Variants in LAMC1 observed in about 807,000 individuals in gnomAD.
LAMC1 encodes laminin subunit gamma 1, also known as laminin subunit gamma-1.
Under a neutral mutation model 173.6 loss-of-function variants are expected in LAMC1, and 38 were observed. The observed-to-expected ratio is 0.22, with a 90% CI of 0.17 to 0.29. The LOEUF (loss-of-function observed/expected upper bound fraction) is 0.29, where lower values mean the gene tolerates loss of function less well. Among genes scored for constraint, LAMC1 ranks in the 10% least tolerant of loss-of-function variants. The pLI is 1.00. For missense variants in LAMC1, 1,824 were observed against 2,051.8 expected, an observed-to-expected ratio of 0.89 and a Z score of 2.14; for synonymous variants, 746 against 749.1, an observed-to-expected ratio of 1.00 and a Z score of 0.07.
chr1:183,106,585 G>A (rs959469012), intron 2 of LAMC1, among the ~76,000 whole-genome samples: 4 of 152,174 alleles, frequency 2.6e-5, no homozygotes, highest in Admixed American at 2.6e-4. Flanking sequence ...GCACTTGCTT[G>A]TTACGTCTCC....
At chr1:183,117,807 G>A in intron 10 of LAMC1, 84 bp downstream of exon 10, 1 of 1,214,814 alleles carries the variant, frequency 8.2e-7, no homozygotes, top group East Asian at 2.3e-5. Context: ...GCCTCTAGAT[G>A]TATTTTAAAG....
At chr1:183,080,107 G>T (rs780367102) in intron 1 of LAMC1, among the ~76,000 whole-genome samples, 1 of 152,134 alleles carries the variant, frequency 6.6e-6, no homozygotes, top group African/African-American at 2.4e-5. Flanking sequence ...AGCCGGGTGT[G>T]GTGGTGCACA....
At chr1:183,053,128 A>G (rs965978504) in intron 1 of LAMC1, among the ~76,000 whole-genome samples, 2 of 152,216 alleles carry the variant, frequency 1.3e-5, no homozygotes, top group Non-Finnish European at 2.9e-5. Flanking sequence ...AAAATGCTAT[A>G]AATCAAATCC....
chr1:183,094,137 C>T (rs1655635553), intron 1 of LAMC1, among the ~76,000 whole-genome samples: 1 of 152,202 alleles, frequency 6.6e-6, no homozygotes, highest in Non-Finnish European at 1.5e-5. Flanking sequence ...CCACCTTACT[C>T]ACTGCTGCTT....
intron 1 of LAMC1, among the ~76,000 whole-genome samples, chr1:183,102,604 C>T (rs1320484553): frequency 6.6e-6 from 1 of 152,194 alleles, no homozygotes; most frequent in African/African-American, 2.4e-5. Context: ...ACTGTCTGCC[C>T]CAGTGACTGC....
intron 1 of LAMC1, among the ~76,000 whole-genome samples, chr1:183,054,447 C>G (rs1195352942): frequency 6.6e-6 from 1 of 152,166 alleles, no homozygotes; most frequent in Non-Finnish European, 1.5e-5. Flanking sequence ...CTTCTGGGGA[C>G]TGGTATCACT....
chr1:183,073,008 A>G (rs1655049507), intron 1 of LAMC1, among the ~76,000 whole-genome samples: 2 of 152,248 alleles, frequency 1.3e-5, no homozygotes, highest in African/African-American at 2.4e-5. Context: ...TAATAATAAT[A>G]GAAATAAAGT....
At chr1:183,131,239 T>A in intron 19 of LAMC1, 60 bp from the exon 20 acceptor site, 1 of 1,375,184 alleles carries the variant, frequency 7.3e-7, no homozygotes, top group Non-Finnish European at 1.0e-6. Flanking sequence ...TTTTGACTCT[T>A]GCTTTATTAA....
chr1:183,125,224 A>G, intron 14 of LAMC1, 173 bp from the exon 15 acceptor site: 1 of 657,778 alleles, frequency 1.5e-6, no homozygotes. Flanking sequence ...TCTCACGTTT[A>G]TAGCACATCT....
chr1:183,127,524 A>G, intron 17 of LAMC1, 120 bp downstream of exon 17: 1 of 826,438 alleles, frequency 1.2e-6, no homozygotes, highest in Non-Finnish European at 1.9e-6. Flanking sequence ...GTTCTTAAAG[A>G]CTTATGTTCC....
chr1:183,131,344 C>G lies in LAMC1; in HGVS notation c.3532C>G (p.Leu1178Val). ...ESTGDPNNMT[L>V]LAEEARKLAE... ...TACAGGGGACCCAAACAACATGACTCTTTTGGCAGAAGAGGCTCGAAAGCT... is the reference window on the plus strand; with the variant it reads ...TACAGGGGACCCAAACAACATGACTGTTTTGGCAGAAGAGGCTCGAAAGCT... The change falls in exon 20 of 28, where the codon CTT becomes GTT. Residue 1178 changes from leucine to valine, a missense_variant. Leu to Val is a conservative substitution (Grantham distance 32, BLOSUM62 1). Coordinates refer to ENST00000258341, the MANE Select transcript of LAMC1 (RefSeq NM_002293.4). 1.2e-6 allele frequency: 2 copies of G among 1,613,816 alleles called. No individual in the cohort carries two copies. The highest frequency in any genetic ancestry group is 1.7e-6 in the Non-Finnish European group (2 of 1,179,928).
intron 1 of LAMC1, among the ~76,000 whole-genome samples, chr1:183,084,598 G>A (rs192434496): frequency 7.9e-5 from 12 of 152,266 alleles, no homozygotes; most frequent in African/African-American, 2.6e-4. Context: ...GGGAAGCTCT[G>A]TAAGAACTAG....
chr1:183,117,730 T>C lies in LAMC1; in HGVS notation c.1877+7T>C. On this transcript the variant is annotated splice_region_variant and intron_variant, in intron 10 of 27. Transcript: ENST00000258341. The stretch of plus-strand genomic sequence containing the variant: ...CTGTGAAGTATGTCTTCAGGTAAGA[T>C]AGCCTTCTTTGTAAAGTGAGACTTG... The C allele has an allele frequency of 1.9e-6, 3 of 1,607,146 alleles. No individual in the cohort carries two copies. The highest frequency in any genetic ancestry group is 2.6e-6 in the Non-Finnish European group (3 of 1,175,090).
intron 11 of LAMC1, among the ~76,000 whole-genome samples, chr1:183,119,149 G>A (rs1000275728): frequency 4.6e-5 from 7 of 152,018 alleles, no homozygotes; most frequent in Admixed American, 6.6e-5. Context: ...CCCCTGCCTC[G>A]GCCTCCCAAA....
At chr1:183,049,390 G>A (rs1654349226) in intron 1 of LAMC1, among the ~76,000 whole-genome samples, 1 of 151,642 alleles carries the variant, frequency 6.6e-6, no homozygotes, top group Non-Finnish European at 1.5e-5. Context: ...ATCTACAGAG[G>A]TTGTGTCAAT....
intron 8 of LAMC1, 176 bp downstream of exon 8, chr1:183,117,079 G>A: frequency 1.3e-6 from 1 of 741,474 alleles, no homozygotes; most frequent in South Asian, 2.2e-5. Context: ...TGTACTTTTG[G>A]CTTTAGAATT....
At chr1:183,070,243 C>T (rs1249711423) in intron 1 of LAMC1, among the ~76,000 whole-genome samples, 1 of 152,202 alleles carries the variant, frequency 6.6e-6, no homozygotes, top group Non-Finnish European at 1.5e-5. Flanking sequence ...CCTGTTTCCT[C>T]ACCTATAAAC....
At chr1:183,026,604 A>G (rs1355578709) in intron 1 of LAMC1, among the ~76,000 whole-genome samples, 1 of 152,216 alleles carries the variant, frequency 6.6e-6, no homozygotes, top group Non-Finnish European at 1.5e-5. Context: ...TTGTGCATCT[A>G]TTAAATCTCC....
chr1:183,099,650 ATGTT>A (rs1655783706), intron 1 of LAMC1, among the ~76,000 whole-genome samples: 1 of 151,812 alleles, frequency 6.6e-6, no homozygotes, highest in South Asian at 2.1e-4. Flanking sequence ...TGTGCTGTGA[ATGTT>A]TGTGCACCTC....
Sources: allele counts gnomAD v4.1 joint callset (sites outside exome capture counted in the v4.1 genomes callset), GRCh38; gene constraint gnomAD v4.1.1; transcripts MANE v1.5; gene names NCBI Gene and HGNC (gene_info 2026-07-23, HGNC 2026-07-21).